PAK1: variants seen among roughly 807,000 people sequenced by gnomAD.
PAK1 encodes serine/threonine-protein kinase PAK 1.
In PAK1, 29 loss-of-function variants were observed where a neutral mutation model predicts 67.4. That is an observed-to-expected ratio of 0.43 (90% CI 0.32 to 0.59). PAK1 has a LOEUF of 0.59. Ranked by LOEUF, PAK1 falls within the 20% of genes least tolerant of loss-of-function variation. The pLI, the probability that PAK1 is intolerant of heterozygous loss-of-function variation, is 0.07. For missense variants in PAK1, 337 were observed against 670.7 expected, an observed-to-expected ratio of 0.50 and a Z score of 5.50; for synonymous variants, 223 against 237.4, an observed-to-expected ratio of 0.94 and a Z score of 0.56.
At chr11:77,394,864 CAA>C (rs1951642521) in intron 1 of PAK1, among the ~76,000 whole-genome samples, 1 of 134,942 alleles carries the variant, frequency 7.4e-6, no homozygotes, top group Non-Finnish European at 1.7e-5. Context: ...CAAAACAAAA[CAA>C]AATACCCTTC....
At chr11:77,442,703 A>T (rs537596961) in intron 1 of PAK1, among the ~76,000 whole-genome samples, 21 of 152,350 alleles carry the variant, frequency 1.4e-4, no homozygotes, top group African/African-American at 4.3e-4. Context: ...TTATTTTTTT[A>T]AAACTGCTAG....
At chr11:77,475,511 C>G (rs1201936218), upstream of PAK1, 1 of 152,210 alleles carries the variant, frequency 6.6e-6, no homozygotes, top group Non-Finnish European at 1.5e-5. Flanking sequence ...CTTACACTAG[C>G]CTTTCTAGCT....
chr11:77,468,479 A>T lies in PAK1; in HGVS notation c.-22+5073T>A, dbSNP rs541717584. Among the ~76,000 whole-genome samples the T allele has an allele frequency of 2.6e-5, 4 of 152,350 alleles. No individual in the cohort carries two copies. The South Asian group carries it at 8.3e-4, about 32-fold the overall frequency. On this transcript the variant is annotated intron_variant, in intron 1 of 14. Transcript: ENST00000356341. ...GAAAGAAAAGGCTTACAAAAAGGGT[A>T]GAAAAATGTAGCACATTAAGTTAAT...
chr11:77,449,232 T>C (rs975767992), intron 1 of PAK1, among the ~76,000 whole-genome samples: 1 of 152,070 alleles, frequency 6.6e-6, no homozygotes, highest in Non-Finnish European at 1.5e-5. Flanking sequence ...CCTTACACAA[T>C]TCAATTCAAC....
At chr11:77,505,308 C>T in the PAK1 span, among the ~76,000 whole-genome samples, 1 of 152,178 alleles carries the variant, frequency 6.6e-6, no homozygotes, top group African/African-American at 2.4e-5. Flanking sequence ...CTGCCTCAGC[C>T]TCCTGAGTAG....
At chr11:77,506,490 C>T in the PAK1 span, among the ~76,000 whole-genome samples, 24 of 152,228 alleles carry the variant, frequency 1.6e-4, no homozygotes, top group East Asian at 4.6e-3. Flanking sequence ...AGCTGGCAGG[C>T]CCACTGGACA....
intron 1 of PAK1, among the ~76,000 whole-genome samples, chr11:77,461,191 TGCTA>T (rs1957327013): frequency 6.6e-6 from 1 of 152,190 alleles, no homozygotes; most frequent in Non-Finnish European, 1.5e-5. Context: ...CTATATGCAG[TGCTA>T]TTGGGTAAAA....
At chr11:77,368,903 C>T (rs1045838431) in intron 5 of PAK1, among the ~76,000 whole-genome samples, 2 of 152,174 alleles carry the variant, frequency 1.3e-5, no homozygotes, top group African/African-American at 2.4e-5. Flanking sequence ...TCACCATTAA[C>T]CCCAGAGGTA....
At chr11:77,399,791 G>A (rs1292596940) in intron 1 of PAK1, among the ~76,000 whole-genome samples, 12 of 131,498 alleles carry the variant, frequency 9.1e-5, no homozygotes, top group African/African-American at 3.0e-4. Context: ...CCCGGGAGGC[G>A]GAGCTTGCAG....
the PAK1 span, among the ~76,000 whole-genome samples, chr11:77,511,548 G>C: frequency 6.6e-6 from 1 of 152,144 alleles, no homozygotes; most frequent in Non-Finnish European, 1.5e-5. Context: ...CATGCTCACA[G>C]CTCAGAAAAT....
At chr11:77,341,233 G>T (rs1277565007) in intron 10 of PAK1, among the ~76,000 whole-genome samples, 2 of 152,144 alleles carry the variant, frequency 1.3e-5, no homozygotes, top group African/African-American at 4.8e-5. Context: ...ATTGGGTCTT[G>T]TTCAAGACTC....
chr11:77,380,018 A>C, intron 2 of PAK1, 24 bp from the exon 3 acceptor site: 1 of 1,566,840 alleles, frequency 6.4e-7, no homozygotes, highest in Non-Finnish European at 8.8e-7. Context: ...AGGCAAAAGG[A>C]AATAAAAAAC....
At chr11:77,453,516 T>TA (rs35089028) in intron 1 of PAK1, among the ~76,000 whole-genome samples, 7,902 of 139,118 alleles carry the variant, frequency 0.057, 674 homozygotes, top group African/African-American at 0.19. Context: ...TGAGATATAT[T>TA]AAAAAAAAAA....
At chr11:77,457,308 A>G (rs1293926860) in intron 1 of PAK1, among the ~76,000 whole-genome samples, 1 of 152,208 alleles carries the variant, frequency 6.6e-6, no homozygotes, top group Non-Finnish European at 1.5e-5. Flanking sequence ...TCCTTATTCT[A>G]TAAAGTGAGC....
chr11:77,403,619 A>G (rs1000289992), intron 1 of PAK1, among the ~76,000 whole-genome samples: 1 of 152,100 alleles, frequency 6.6e-6, no homozygotes, highest in Non-Finnish European at 1.5e-5. Context: ...AACATCAAAA[A>G]CCATCAACCC....
chr11:77,425,357 AC>A (rs138824647), intron 1 of PAK1, among the ~76,000 whole-genome samples: 4,879 of 151,878 alleles, frequency 0.032, 131 homozygotes, highest in African/African-American at 0.074. Flanking sequence ...ATGGTGTTCT[AC>A]TCGGTCAGCC....
the PAK1 span, among the ~76,000 whole-genome samples, chr11:77,495,572 A>T: frequency 6.6e-6 from 1 of 152,210 alleles, no homozygotes; most frequent in African/African-American, 2.4e-5. Flanking sequence ...CAGGGTCTCA[A>T]AGAGGTATTT....
At position 77,374,372 on chromosome 11, in the gene PAK1, AG is replaced by A. The variant is rs765070680; in HGVS notation, c.440-8del. On this transcript the variant is annotated splice_polypyrimidine_tract_variant and splice_region_variant and intron_variant, in intron 4 of 14. Transcript: ENST00000356341. ...TAATCCTCAGCTGACTTATCTGCAC[AG>A]GAAGAAAAACAAGGGACTTAGTCAA... The A allele has an allele frequency of 3.8e-6, 6 of 1,588,180 alleles. No homozygotes were observed. The African/African-American group carries it at 6.7e-5, about 18-fold the overall frequency.
chr11:77,459,792 A>T (rs1298228026), intron 1 of PAK1, among the ~76,000 whole-genome samples: 1 of 139,860 alleles, frequency 7.2e-6, no homozygotes, highest in Non-Finnish European at 1.6e-5. Context: ...TCCCGGGTTC[A>T]CGCCATTCTC....
Sources: gnomAD v4.1 joint callset for allele counts (sites outside exome capture counted in the v4.1 genomes callset) on GRCh38, gnomAD v4.1.1 for gene constraint, MANE v1.5 for transcripts, NCBI Gene and HGNC (gene_info 2026-07-23, HGNC 2026-07-21) for gene names.